Variants in BRD7 observed in about 807,000 individuals in gnomAD.
BRD7 encodes the protein bromodomain-containing protein 7.
In BRD7, 15 loss-of-function variants were observed where a neutral mutation model predicts 82.1. The observed-to-expected ratio is 0.18, with a 90% CI of 0.12 to 0.28. The LOEUF is 0.28. BRD7 is among the 10% of genes least tolerant of loss of function. BRD7 has a pLI of 1.00. For synonymous variants in BRD7, 232 were observed against 266.9 expected, an observed-to-expected ratio of 0.87 and a Z score of 1.27; for missense variants, 638 against 779.9, an observed-to-expected ratio of 0.82 and a Z score of 2.17.
chr16:50,366,355 G>A (rs2039143308), intron 2 of BRD7, among the ~76,000 whole-genome samples: 1 of 152,186 alleles, frequency 6.6e-6, no homozygotes, highest in Non-Finnish European at 1.5e-5. Flanking sequence ...GCCTCCAGGA[G>A]ACAGAAAGCT....
chr16:50,333,732 AC>A, intron 7 of BRD7, 35 bp from the exon 8 acceptor site: 3 of 1,455,478 alleles, frequency 2.1e-6, no homozygotes, highest in Non-Finnish European at 1.9e-6. Flanking sequence ...TAAAAAAAAA[AC>A]AAAGATAAGT....
rs1250833084 is a variant in BRD7, at chr16:50,317,919, G to A, written c.*1292C>T. The stretch of plus-strand genomic sequence containing the variant: ...TAACAAACAAACAAACAAACAAACA[G>A]AAGAGAAGATCATTAACCACTGTAT... On this transcript the variant is annotated 3_prime_UTR_variant, in exon 17 of 17. Transcript: ENST00000394688. 1.4e-5 allele frequency: 2 copies of A among 143,822 alleles called. No homozygotes were observed. The highest frequency in any genetic ancestry group is 6.9e-5 in the Admixed American group (1 of 14,568). 8.9% of individuals were successfully genotyped at this position (143,822 alleles called of 1,614,324 possible).
At chr16:50,357,326 T>C (rs920201551) in intron 2 of BRD7, among the ~76,000 whole-genome samples, 7 of 152,204 alleles carry the variant, frequency 4.6e-5, no homozygotes, top group Non-Finnish European at 7.3e-5. Context: ...ACAGAATATA[T>C]GGTTGTTTTA....
intron 5 of BRD7, chr16:50,349,094 T>C (rs567932884): frequency 1.2e-3 from 183 of 158,978 alleles, no homozygotes; most frequent in Middle Eastern, 3.3e-3. Flanking sequence ...GATGAGTTCA[T>C]GTCCTTTGTA....
At chr16:50,329,901 G>A (rs1413154319) in intron 8 of BRD7, among the ~76,000 whole-genome samples, 1 of 152,164 alleles carries the variant, frequency 6.6e-6, no homozygotes, top group Non-Finnish European at 1.5e-5. Context: ...CTGTTTTAAC[G>A]CCGCTGTAAT....
intron 5 of BRD7, among the ~76,000 whole-genome samples, chr16:50,348,320 C>G (rs1396879530): frequency 6.6e-6 from 1 of 152,126 alleles, no homozygotes; most frequent in Non-Finnish European, 1.5e-5. Flanking sequence ...AGAAGAAAAC[C>G]TAGGCTATAC....
At chr16:50,326,260 A>G (rs752925568) in intron 10 of BRD7, 24 bp downstream of exon 10, 1 of 1,587,070 alleles carries the variant, frequency 6.3e-7, no homozygotes, top group Non-Finnish European at 8.6e-7. Flanking sequence ...AAGAGAAAAA[A>G]TGACTCCTAT....
At chr16:50,354,297 T>G in intron 4 of BRD7, 128 bp downstream of exon 4, 1 of 774,094 alleles carries the variant, frequency 1.3e-6, no homozygotes, top group East Asian at 2.9e-5. Flanking sequence ...GTACTTCTGC[T>G]GCCAGGCAAA....
intron 4 of BRD7, among the ~76,000 whole-genome samples, chr16:50,352,892 C>T (rs919027925): frequency 2.0e-5 from 3 of 151,946 alleles, no homozygotes; most frequent in African/African-American, 7.3e-5. Flanking sequence ...CCTTACGTTG[C>T]AAGAAAAACT....
intron 10 of BRD7, 99 bp from the exon 11 acceptor site, chr16:50,325,982 C>T (rs1003092925): frequency 2.4e-6 from 3 of 1,248,820 alleles, no homozygotes; most frequent in Non-Finnish European, 3.3e-6. Flanking sequence ...AACTTTACTA[C>T]TTCATTGGCT....
At chr16:50,321,255 C>G (rs1444224916) in intron 13 of BRD7, among the ~76,000 whole-genome samples, 1 of 152,082 alleles carries the variant, frequency 6.6e-6, no homozygotes, top group African/African-American at 2.4e-5. Flanking sequence ...ATGAGAGAAA[C>G]AAAATCTTAA....
intron 5 of BRD7, among the ~76,000 whole-genome samples, chr16:50,344,643 G>A (rs1216448250): frequency 6.6e-6 from 1 of 152,194 alleles, no homozygotes; most frequent in East Asian, 1.9e-4. Context: ...TAGCCGATTT[G>A]ATCAAGTGGA....
chr16:50,324,196 C>T (rs1197257375), intron 11 of BRD7, among the ~76,000 whole-genome samples: 1 of 152,148 alleles, frequency 6.6e-6, no homozygotes, highest in Non-Finnish European at 1.5e-5. Flanking sequence ...GTCTTCCAGG[C>T]TCAGTGTGCA....
At chr16:50,338,438 T>C (rs570542633) in intron 6 of BRD7, among the ~76,000 whole-genome samples, 1 of 152,334 alleles carries the variant, frequency 6.6e-6, no homozygotes, top group African/African-American at 2.4e-5. Context: ...CTCAGACATC[T>C]GCACACCAAG....
chr16:50,365,158 G>A (rs2884046), intron 2 of BRD7, among the ~76,000 whole-genome samples: 30 of 141,520 alleles, frequency 2.1e-4, no homozygotes, highest in Admixed American at 1.8e-3. Context: ...TCCAAATCTC[G>A]AGACGAGCCA....
At chr16:50,345,853 A>T (rs1288095661) in intron 5 of BRD7, among the ~76,000 whole-genome samples, 2 of 139,416 alleles carry the variant, frequency 1.4e-5, no homozygotes, top group East Asian at 4.3e-4. Context: ...AACATTAGAC[A>T]GATCGACGAG....
chr16:50,368,006 C>T (rs2151219521), intron 2 of BRD7, 84 bp downstream of exon 2: 1 of 1,401,296 alleles, frequency 7.1e-7, no homozygotes, highest in African/African-American at 1.4e-5. Flanking sequence ...TTTGTTTTCC[C>T]CAGATACAAA....
chr16:50,367,001 T>A (rs571912671), intron 2 of BRD7, among the ~76,000 whole-genome samples: 19 of 152,224 alleles, frequency 1.2e-4, no homozygotes, highest in African/African-American at 4.3e-4. Flanking sequence ...TAATAAAAAC[T>A]GGGACAAAAG....
At chr16:50,344,303 G>C (rs572323671) in intron 5 of BRD7, among the ~76,000 whole-genome samples, 3 of 152,134 alleles carry the variant, frequency 2.0e-5, no homozygotes, top group Non-Finnish European at 4.4e-5. Flanking sequence ...CCACAAAGAC[G>C]GGGAGAAACC....
Sources: allele counts gnomAD v4.1 joint callset (sites outside exome capture counted in the v4.1 genomes callset), GRCh38; gene constraint gnomAD v4.1.1; transcripts MANE v1.5; gene names NCBI Gene and HGNC (gene_info 2026-07-23, HGNC 2026-07-21).